The following CNTN5 variants were observed in gnomAD, a reference collection of about 807,000 sequenced individuals.
CNTN5 encodes contactin-5.
A neutral mutation model predicts 129.1 loss-of-function variants in CNTN5; 77 were observed. That is an observed-to-expected ratio of 0.60 (90% CI 0.50 to 0.72). The LOEUF (loss-of-function observed/expected upper bound fraction) is 0.72, where lower values mean the gene tolerates loss of function less well. Ranked by LOEUF, CNTN5 falls within the 30% of genes least tolerant of loss-of-function variation. The pLI, the probability that CNTN5 is intolerant of heterozygous loss-of-function variation, is 0.00. For missense variants in CNTN5, 1,478 were observed against 1,328.8 expected (o/e 1.11, Z -1.75); for synonymous variants, 509 against 465.6 (o/e 1.09, Z -1.20).
rs756357943 is a variant in CNTN5 at position 99,845,201 on chromosome 11, G to A, written c.516G>A (p.Gln172=). The A allele has an allele frequency of 6.2e-7, 1 of 1,613,698 alleles. No individual in the cohort carries two copies. The highest frequency in any genetic ancestry group is 1.7e-5 in the Admixed American group (1 of 60,000). Residue 172 remains glutamine (Q), a synonymous_variant, in exon 6 of 25, where the codon CAG becomes CAA. Coordinates refer to ENST00000524871, the MANE Select transcript of CNTN5 (RefSeq NM_014361.4). Reference sequence around the variant, plus strand: ...AAGCAAAGGATTCTGGTCATTATCAGTGTTTAGCAACCAACACTGTGGGGA... The same window carrying A: ...AAGCAAAGGATTCTGGTCATTATCAATGTTTAGCAACCAACACTGTGGGGA... The part of the protein sequence containing the change: ...PSEAKDSGHY[Q]CLATNTVGSI...
At chr11:100,074,316 CA>C in intron 13 of CNTN5, 22 bp downstream of exon 13, 2 of 1,554,838 alleles carry the variant, frequency 1.3e-6, no homozygotes, top group Non-Finnish European at 1.7e-6. Context: ...TTTTATAATT[CA>C]AGTTCAACAT....
chr11:99,528,804 C>T (rs2135461306), intron 2 of CNTN5, among the ~76,000 whole-genome samples: 1 of 152,264 alleles, frequency 6.6e-6, no homozygotes, highest in South Asian at 2.1e-4. Flanking sequence ...TGGCTCATGC[C>T]TGTAATCCCA....
At chr11:99,088,015 G>C (rs1296617653) in intron 1 of CNTN5, among the ~76,000 whole-genome samples, 1 of 152,086 alleles carries the variant, frequency 6.6e-6, no homozygotes, top group Non-Finnish European at 1.5e-5. Context: ...CTTGCACTAG[G>C]CTCCACAAAA....
intron 2 of CNTN5, among the ~76,000 whole-genome samples, chr11:99,431,439 T>A (rs1420842518): frequency 6.6e-6 from 1 of 152,142 alleles, no homozygotes; most frequent in East Asian, 1.9e-4. Context: ...ACTTTTTTAA[T>A]GGAAATGAGT....
At chr11:99,401,434 T>A (rs1604909) in intron 2 of CNTN5, among the ~76,000 whole-genome samples, 1 of 152,196 alleles carries the variant, frequency 6.6e-6, no homozygotes, top group East Asian at 1.9e-4. Flanking sequence ...GTTCCATTGA[T>A]GTATGTGTCT....
intron 3 of CNTN5, among the ~76,000 whole-genome samples, chr11:99,590,425 T>C (rs191375243): frequency 2.4e-4 from 37 of 152,286 alleles, no homozygotes; most frequent in African/African-American, 8.7e-4. Flanking sequence ...CTGAAATTCC[T>C]CCACTCCTCA....
At chr11:100,121,179 A>G (rs1465074884) in intron 13 of CNTN5, among the ~76,000 whole-genome samples, 1 of 152,024 alleles carries the variant, frequency 6.6e-6, no homozygotes, top group African/African-American at 2.4e-5. Context: ...ATCCTGGCAA[A>G]ACAGTTTACA....
intron 2 of CNTN5, among the ~76,000 whole-genome samples, chr11:99,550,226 C>T (rs766828641): frequency 1.3e-5 from 2 of 152,084 alleles, no homozygotes. Flanking sequence ...CTAAGATAAA[C>T]AATATCATAA....
chr11:99,643,846 A>G (rs1001377829), intron 3 of CNTN5, among the ~76,000 whole-genome samples: 21 of 21,650 alleles, frequency 9.7e-4, no homozygotes, highest in Non-Finnish European at 4.2e-3. Flanking sequence ...TATATTTCAA[A>G]ATAATTTTAA....
intron 3 of CNTN5, among the ~76,000 whole-genome samples, chr11:99,700,841 G>A (rs1281561185): frequency 2.0e-5 from 3 of 151,134 alleles, no homozygotes; most frequent in Non-Finnish European, 4.5e-5. Flanking sequence ...GTGCATGGAG[G>A]ATAAGGCTTC....
chr11:99,858,452 A>G (rs1948106697), intron 6 of CNTN5, among the ~76,000 whole-genome samples: 1 of 151,990 alleles, frequency 6.6e-6, no homozygotes. Flanking sequence ...GAAAATCTCT[A>G]TGTCTCTGTG....
intron 8 of CNTN5, among the ~76,000 whole-genome samples, chr11:99,989,150 T>G (rs1281998200): frequency 6.6e-6 from 1 of 152,200 alleles, no homozygotes; most frequent in Non-Finnish European, 1.5e-5. Flanking sequence ...AAATCACAAT[T>G]GAAAAGAGCC....
intron 4 of CNTN5, among the ~76,000 whole-genome samples, chr11:99,842,259 C>T (rs970906407): frequency 6.6e-6 from 1 of 152,080 alleles, no homozygotes. Flanking sequence ...GATAAAAGGA[C>T]TGATTATTGC....
intron 9 of CNTN5, among the ~76,000 whole-genome samples, chr11:100,009,269 C>G (rs1173846394): frequency 2.0e-5 from 3 of 152,030 alleles, no homozygotes; most frequent in African/African-American, 7.2e-5. Context: ...CTAGTTTACT[C>G]CTAGAAATAG....
chr11:99,990,084 C>A (rs1028942237), intron 8 of CNTN5, among the ~76,000 whole-genome samples: 2 of 151,888 alleles, frequency 1.3e-5, no homozygotes, highest in African/African-American at 2.4e-5. Context: ...TTTCTTAATG[C>A]CAGAGAAAAC....
At chr11:99,739,046 G>A (rs1382789392) in intron 3 of CNTN5, among the ~76,000 whole-genome samples, 5 of 152,092 alleles carry the variant, frequency 3.3e-5, no homozygotes, top group Admixed American at 2.0e-4. Context: ...GTCTTCTGGG[G>A]CCTAGTACCC....
intron 2 of CNTN5, among the ~76,000 whole-genome samples, chr11:99,495,477 T>C (rs1308001029): frequency 1.3e-5 from 2 of 152,256 alleles, no homozygotes; most frequent in Non-Finnish European, 2.9e-5. Flanking sequence ...CAAGTCTTTG[T>C]TATGGCCCAC....
intron 2 of CNTN5, among the ~76,000 whole-genome samples, chr11:99,463,344 G>A (rs1424741056): frequency 2.8e-5 from 4 of 143,992 alleles, no homozygotes; most frequent in African/African-American, 1.0e-4. Context: ...AGGCTGAGGC[G>A]GGAGAATGGC....
intron 18 of CNTN5, among the ~76,000 whole-genome samples, chr11:100,295,654 T>A (rs969086227): frequency 6.6e-6 from 1 of 151,424 alleles, no homozygotes; most frequent in African/African-American, 2.4e-5. Flanking sequence ...ACTCTAAAAC[T>A]GTAATCTAGA....
Sources: allele counts gnomAD v4.1 joint callset (sites outside exome capture counted in the v4.1 genomes callset), GRCh38; gene constraint gnomAD v4.1.1; transcripts MANE v1.5; gene names NCBI Gene and HGNC (gene_info 2026-07-23, HGNC 2026-07-21).